Variants in DDX10 observed in about 807,000 individuals in gnomAD.
The protein encoded by DDX10 is DEAD-box helicase 10, also known as probable ATP-dependent RNA helicase DDX10.
A neutral mutation model predicts 104.3 loss-of-function variants in DDX10; 74 were observed. That is an observed-to-expected ratio of 0.71 (90% CI 0.59 to 0.86). DDX10 has a LOEUF of 0.86. DDX10 is among the 40% of genes least tolerant of loss of function. DDX10 has a pLI of 0.00. For synonymous variants in DDX10, 351 were observed against 353.4 expected, an observed-to-expected ratio of 0.99 and a Z score of 0.08; for missense variants, 952 against 1,040.0, an observed-to-expected ratio of 0.92 and a Z score of 1.16.
Position 108,724,284 on chromosome 11 carries a change from T to TA in DDX10, c.1965+832dup, listed in dbSNP as rs879759126. On this transcript the variant is annotated intron_variant, in intron 13 of 17. Transcript: ENST00000322536. ...AGTGTTTCTTTAAGTAACTAAAAAT[T>TA]AAAAAAAAAACCTAGAAAATGTGCT... Among the ~76,000 whole-genome samples the TA allele has an allele frequency of 2.7e-3, 400 of 149,104 alleles. 2 individuals carry two copies. The highest frequency in any genetic ancestry group is 8.1e-3 in the African/African-American group (330 of 40,802).
At position 108,719,884 on chromosome 11, in the gene DDX10, C is replaced by G. The variant is rs1161333025; in HGVS notation, c.1498C>G (p.Leu500Val). 1 of 1,513,660 alleles carries G rather than the reference C, an allele frequency of 6.6e-7. No homozygotes were observed. The highest frequency in any genetic ancestry group is 1.1e-5 in the South Asian group (1 of 88,876). 93.8% of individuals were successfully genotyped at this position (1,513,660 alleles called of 1,614,324 possible). Residue 500 changes from leucine (L) to valine (V), a missense_variant and splice_region_variant, in exon 12 of 18, where the codon CTG becomes GTG. Physicochemically the swap from Leu to Val is conservative, Grantham distance 32. This residue lies in a region of DDX10 where 533 missense variants were observed against 534.1 expected (regional missense o/e 1.00). Coordinates refer to ENST00000322536, the MANE Select transcript of DDX10 (RefSeq NM_004398.4). The stretch of plus-strand genomic sequence containing the variant: ...CAAGTTACCTATACCTGAATATGCC[C>G]TGTAAGTATTCATAATATAGTTGTA... The part of the protein sequence containing the change: ...VSKLPIPEYA[L>V]SLGLAVAPRV...
At chr11:108,884,619 C>T (rs1863270858) in intron 16 of DDX10, among the ~76,000 whole-genome samples, 3 of 152,168 alleles carry the variant, frequency 2.0e-5, no homozygotes, top group African/African-American at 7.2e-5. Context: ...TCTACATTCT[C>T]CTCTTTTATG....
intron 13 of DDX10, among the ~76,000 whole-genome samples, chr11:108,778,345 G>C (rs1166278370): frequency 1.3e-5 from 2 of 152,126 alleles, no homozygotes; most frequent in African/African-American, 4.8e-5. Flanking sequence ...CCAAAACAGA[G>C]ATATAGACCA....
chr11:108,703,729 C>T (rs984543305), intron 9 of DDX10, among the ~76,000 whole-genome samples: 3 of 152,076 alleles, frequency 2.0e-5, no homozygotes, highest in Admixed American at 1.3e-4. Context: ...GGTAAATAGA[C>T]TTTGTTCTTG....
intron 15 of DDX10, among the ~76,000 whole-genome samples, chr11:108,850,786 T>A (rs1794720185): frequency 6.6e-6 from 1 of 152,096 alleles, no homozygotes; most frequent in Non-Finnish European, 1.5e-5. Context: ...TGTGCTAGAT[T>A]TGAGAGAGTG....
At chr11:108,921,941 G>C (rs1863833280) in intron 17 of DDX10, 1 of 149,478 alleles carries the variant, frequency 6.7e-6, no homozygotes, top group Admixed American at 6.8e-5. Flanking sequence ...CTGTGCGACA[G>C]AGCAAGACTC....
At position 108,707,850 on chromosome 11, in the gene DDX10, T is replaced by C. The variant is rs987455667; in HGVS notation, c.1322+1013T>C. ...TTCCCTTAATCCTACTTAAGTCTTATAACTAGTGGATGTTGGATTAACGTT... is the reference window on the plus strand; with the variant it reads ...TTCCCTTAATCCTACTTAAGTCTTACAACTAGTGGATGTTGGATTAACGTT... On this transcript the variant is annotated intron_variant, in intron 10 of 17. Transcript: ENST00000322536. Among the ~76,000 whole-genome samples, 5 of 152,338 alleles carry C rather than the reference T, an allele frequency of 3.3e-5. No homozygotes were observed. The South Asian group carries it at 6.2e-4, about 19-fold the overall frequency.
chr11:108,881,741 G>T (rs1368303461), intron 16 of DDX10, among the ~76,000 whole-genome samples: 1 of 152,144 alleles, frequency 6.6e-6, no homozygotes, highest in Non-Finnish European at 1.5e-5. Context: ...ATGATGTTTG[G>T]TAGGTTAGAT....
chr11:108,742,841 A>G (rs1240516497), intron 13 of DDX10, among the ~76,000 whole-genome samples: 1 of 152,198 alleles, frequency 6.6e-6, no homozygotes, highest in Non-Finnish European at 1.5e-5. Flanking sequence ...TGAACCAGGA[A>G]GAAACTGAAT....
intron 17 of DDX10, among the ~76,000 whole-genome samples, chr11:108,933,358 A>T (rs1254189813): frequency 6.7e-6 from 1 of 150,140 alleles, no homozygotes; most frequent in Non-Finnish European, 1.5e-5. Flanking sequence ...GCAGACCTGG[A>T]CTAAAGACAA....
At chr11:108,938,675 CTT>C (rs1180575175) in intron 17 of DDX10, among the ~76,000 whole-genome samples, 2 of 152,118 alleles carry the variant, frequency 1.3e-5, no homozygotes, top group African/African-American at 2.4e-5. Context: ...TCCAGGCACT[CTT>C]TTAAAATGCA....
rs534982337 is a variant in DDX10, at chr11:108,758,564, A to G, written c.1965+35102A>G. ...TCACTGGAGTAAAAGCAACGGGTCA[A>G]TAATGCTGTTTCCCTTTCTGGGAGG... is the stretch of plus-strand genomic sequence containing the variant. On this transcript the variant is annotated intron_variant, in intron 13 of 17. Coordinates refer to ENST00000322536, the MANE Select transcript of DDX10 (RefSeq NM_004398.4). Among the ~76,000 whole-genome samples, 7 of 152,210 alleles carry G rather than the reference A, an allele frequency of 4.6e-5. No individual in the cohort carries two copies. In the South Asian group the frequency reaches 1.0e-3, roughly 23 times the overall value.
intron 16 of DDX10, among the ~76,000 whole-genome samples, chr11:108,864,679 C>T (rs145868399): frequency 0.015 from 2,282 of 152,072 alleles, 29 homozygotes; most frequent in Middle Eastern, 0.031. Flanking sequence ...AGGCTGGTCT[C>T]GAACTCCTGG....
chr11:108,703,282 GAAAT>G (rs2094271088), intron 9 of DDX10, among the ~76,000 whole-genome samples: 1 of 152,120 alleles, frequency 6.6e-6, no homozygotes, highest in Admixed American at 6.5e-5. Flanking sequence ...TTATCGATTT[GAAAT>G]AAATATGTTT....
chr11:108,863,518 A>C (rs971216864), intron 16 of DDX10, among the ~76,000 whole-genome samples: 1 of 152,166 alleles, frequency 6.6e-6, no homozygotes, highest in Non-Finnish European at 1.5e-5. Context: ...CATTTCCTTC[A>C]GTTGGAAATG....
At chr11:108,748,164 A>G (rs2094334116) in intron 13 of DDX10, among the ~76,000 whole-genome samples, 1 of 152,198 alleles carries the variant, frequency 6.6e-6, no homozygotes, top group Non-Finnish European at 1.5e-5. Context: ...TGTCCTAAGG[A>G]TGGGCCACAG....
chr11:108,716,453 A>G (rs1240996754), intron 11 of DDX10, among the ~76,000 whole-genome samples: 2 of 152,190 alleles, frequency 1.3e-5, no homozygotes, highest in Non-Finnish European at 2.9e-5. Context: ...TGGATTGGGA[A>G]AAATCATCGT....
chr11:108,879,259 C>T (rs1050676202), intron 16 of DDX10, among the ~76,000 whole-genome samples: 1 of 152,104 alleles, frequency 6.6e-6, no homozygotes, highest in Non-Finnish European at 1.5e-5. Flanking sequence ...CTCGGCCTCC[C>T]AAAGTGCTGA....
At chr11:108,891,321 C>T (rs1033964431) in intron 16 of DDX10, among the ~76,000 whole-genome samples, 3 of 152,146 alleles carry the variant, frequency 2.0e-5, no homozygotes, top group Admixed American at 1.3e-4. Context: ...CTTGAAAGAT[C>T]ATGTTTCACT....
Sources: gnomAD v4.1 joint callset for allele counts (sites outside exome capture counted in the v4.1 genomes callset) on GRCh38, gnomAD v4.1.1 for gene constraint, gnomAD v4.1.1 regional missense constraint, MANE v1.5 for transcripts, NCBI Gene and HGNC (gene_info 2026-07-23, HGNC 2026-07-21) for gene names.